The following UTP14A variants were observed in gnomAD, a reference collection of about 807,000 sequenced individuals.
UTP14A encodes UTP14A small subunit processome component.
UTP14A carries 5 observed loss-of-function variants against 57.2 expected under a neutral mutation model. That is an observed-to-expected ratio of 0.09 (90% CI 0.05 to 0.18). The LOEUF is 0.18. Among genes scored for constraint, UTP14A ranks in the 10% least tolerant of loss-of-function variants. The pLI, the probability that UTP14A is intolerant of heterozygous loss-of-function variation, is 1.00. For missense variants in UTP14A, 430 were observed against 562.1 expected (o/e 0.76, Z 2.38); for synonymous variants, 169 against 210.9 (o/e 0.80, Z 1.72).
chrX:129,921,668 C>A, intron 11 of UTP14A, 81 bp downstream of exon 11: 2 of 1,043,196 alleles, frequency 1.9e-6, no homozygotes, highest in Non-Finnish European at 2.6e-6. Flanking sequence ...TGTCCACCCA[C>A]ACACAAAACT....
chrX:129,917,727 T>C (rs1244976265), intron 6 of UTP14A, among the ~76,000 whole-genome samples: 2 of 111,281 alleles, frequency 1.8e-5, no homozygotes, highest in African/African-American at 3.3e-5. Context: ...AGATGGGGTT[T>C]CACCATGTTG....
intron 14 of UTP14A, 145 bp from the exon 15 acceptor site, chrX:129,929,191 C>T (rs1281855987): frequency 2.5e-5 from 18 of 727,065 alleles, no homozygotes; most frequent in African/African-American, 8.6e-5. Flanking sequence ...AGCAATGGGA[C>T]GCCTTGACCT....
chrX:129,913,472 C>T (rs1241345738), intron 6 of UTP14A: 2 of 327,017 alleles, frequency 6.1e-6, no homozygotes, highest in African/African-American at 5.4e-5. Flanking sequence ...ACCCGTGCCC[C>T]ATCTGATCAT....
chrX:129,906,371 C>A, intron 1 of UTP14A, 135 bp downstream of exon 1: 1 of 613,620 alleles, frequency 1.6e-6, no homozygotes, highest in East Asian at 3.4e-5. Context: ...TTCCTATTTT[C>A]CGCGATCCAG....
rs1464032711 is a variant in UTP14A, at chrX:129,910,988, A to T, written c.239-20A>T. ...TTGTCTCACTTCTTGGTCTGACCAGAAAGTTTGACCTTTCCACAGGATCAG... is the reference window on the plus strand; with the variant it reads ...TTGTCTCACTTCTTGGTCTGACCAGTAAGTTTGACCTTTCCACAGGATCAG... On this transcript the variant is annotated intron_variant, in intron 4 of 14. Transcript: ENST00000394422. The T allele has an allele frequency of 1.7e-6, 2 of 1,209,031 alleles. No homozygotes were observed. Among genetic ancestry groups the T allele is most frequent in the Non-Finnish European group, 2.2e-6 (2 of 894,344 alleles).
chrX:129,906,165 C>T lies in UTP14A; in HGVS notation c.-46C>T, dbSNP rs1286035423. The T allele has an allele frequency of 8.3e-7, 1 of 1,207,399 alleles. No individual in the cohort carries two copies. Among genetic ancestry groups the T allele is most frequent in the Non-Finnish European group, 1.1e-6 (1 of 891,551 alleles). On this transcript the variant is annotated 5_prime_UTR_variant, in exon 1 of 15. Transcript: ENST00000394422. The stretch of plus-strand genomic sequence containing the variant: ...TGCGGCCCGCACGGAAATTGCTTTC[C>T]TTCGGCTTCCGTTCTTGGTCCATGT...
intron 14 of UTP14A, among the ~76,000 whole-genome samples, chrX:129,928,411 G>C (rs1284785693): frequency 1.3e-5 from 1 of 74,403 alleles, no homozygotes; most frequent in Non-Finnish European, 2.6e-5. Context: ...AAAAAAAAAA[G>C]ATGAAACTAA....
intron 2 of UTP14A, among the ~76,000 whole-genome samples, 155 bp from the exon 3 acceptor site, chrX:129,907,905 A>G (rs1268184696): frequency 8.9e-6 from 1 of 111,973 alleles, no homozygotes; most frequent in South Asian, 3.7e-4. Context: ...GCAGTGAGCC[A>G]AGATAACACC....
rs1929865390 is a variant in UTP14A, at chrX:129,920,445, C to CT, written c.753-11dup. ...AGCTAAATTGCTAAACTCTTCCCTC[C>CT]TACCCCTACAGGTATCACAAAGTCG... On this transcript the variant is annotated splice_polypyrimidine_tract_variant and intron_variant, in intron 8 of 14. Coordinates refer to ENST00000394422, the MANE Select transcript of UTP14A (RefSeq NM_006649.4). 1 of 1,212,086 alleles carries CT rather than the reference C, an allele frequency of 8.3e-7. No individual in the cohort carries two copies.
intron 1 of UTP14A, 78 bp downstream of exon 1, chrX:129,906,314 C>A (rs909541993): frequency 1.0e-6 from 1 of 990,296 alleles, no homozygotes; most frequent in South Asian, 2.0e-5. Flanking sequence ...AATGGGAGCC[C>A]CCCCTTTAAC....
rs1929907539 is a variant in UTP14A at position 129,921,416 on chromosome X, C to A, written c.1177C>A (p.Pro393Thr). The A allele has an allele frequency of 1.7e-6, 2 of 1,211,656 alleles. No individual in the cohort carries two copies. Among genetic ancestry groups the A allele is most frequent in the African/African-American group, 3.5e-5 (2 of 57,752 alleles). The change falls in exon 11 of 15, where the codon CCT becomes ACT. Residue 393 changes from proline to threonine, a missense_variant. By Grantham distance (38) the Pro-to-Thr change is conservative (BLOSUM62 -1). This residue lies in a region of UTP14A where 83 missense variants were observed against 140.4 expected (regional missense o/e 0.59). Coordinates refer to ENST00000394422, the MANE Select transcript of UTP14A (RefSeq NM_006649.4). ...CAAAGAGGCTGCAACCCAGGAGGAC[C>A]CTGAGCAACTGCCAGAGCTTGAGGC... Reference protein sequence around the residue: ...DTKEAATQEDPEQLPELEAHG... With the variant: ...DTKEAATQEDTEQLPELEAHG...
chrX:129,912,633 C>T lies in UTP14A; in HGVS notation c.537+712C>T, dbSNP rs115681197. On this transcript the variant is annotated intron_variant, in intron 6 of 14. Coordinates refer to ENST00000394422, the MANE Select transcript of UTP14A (RefSeq NM_006649.4). ...TGCCTTAGTGAGGATATGTGAACAACAGAAGCCAAACTTTGCTTGTACAGG... is the reference window on the plus strand; with the variant it reads ...TGCCTTAGTGAGGATATGTGAACAATAGAAGCCAAACTTTGCTTGTACAGG... Among the ~76,000 whole-genome samples the T allele has an allele frequency of 7.5e-3, 831 of 111,192 alleles. 13 individuals carry two copies. The highest frequency in any genetic ancestry group is 0.026 in the African/African-American group (786 of 30,637).
At chrX:129,919,530 GAA>G in intron 8 of UTP14A, 41 bp downstream of exon 8, 1 of 1,175,503 alleles carries the variant, frequency 8.5e-7, no homozygotes, top group Non-Finnish European at 1.2e-6. Flanking sequence ...TTCCACAGAA[GAA>G]AGTCATGTGG....
intron 14 of UTP14A, 90 bp from the exon 15 acceptor site, chrX:129,929,246 A>C (rs1190379035): frequency 9.2e-7 from 1 of 1,089,154 alleles, no homozygotes; most frequent in Non-Finnish European, 1.2e-6. Flanking sequence ...CGTGGCCTGT[A>C]CCAAAACAGT....
Position 129,920,457 on chromosome X carries a change from G to A in UTP14A, c.753G>A (p.Lys251=). ...AAACTCTTCCCTCCTACCCCTACAG[G>A]TATCACAAAGTCGTGAAGAAAGGAA... ...ARREKKIKSK[K]YHKVVKKGKA... The change falls in exon 9 of 15, where the codon AAG becomes AAA. Residue 251 remains lysine, a splice_region_variant and synonymous_variant. Coordinates refer to ENST00000394422, the MANE Select transcript of UTP14A (RefSeq NM_006649.4). The A allele has an allele frequency of 8.3e-7, 1 of 1,211,864 alleles. No individual in the cohort carries two copies. The highest frequency in any genetic ancestry group is 3.0e-5 in the East Asian group (1 of 33,863).
chrX:129,910,980 C>A lies in UTP14A; in HGVS notation c.239-28C>A, dbSNP rs368776184. ...TTGAGATCTTGTCTCACTTCTTGGT[C>A]TGACCAGAAAGTTTGACCTTTCCAC... is the stretch of plus-strand genomic sequence containing the variant. On this transcript the variant is annotated intron_variant, in intron 4 of 14. Coordinates refer to ENST00000394422, the MANE Select transcript of UTP14A (RefSeq NM_006649.4). 37 of 1,205,249 alleles carry A rather than the reference C, an allele frequency of 3.1e-5. No homozygotes were observed. In the African/African-American group the frequency reaches 4.9e-4, roughly 16 times the overall value.
At chrX:129,928,878 T>C (rs1930213246) in intron 14 of UTP14A, among the ~76,000 whole-genome samples, 2 of 111,526 alleles carry the variant, frequency 1.8e-5, no homozygotes, top group Non-Finnish European at 3.8e-5. Context: ...GTCACAGTGT[T>C]ACATAGGAAA....
intron 6 of UTP14A, chrX:129,913,500 C>A (rs112377333): frequency 2.7e-5 from 8 of 294,070 alleles, no homozygotes; most frequent in African/African-American, 2.7e-5. Flanking sequence ...CCCATACTCA[C>A]CCAGAAGTAA....
rs1197744285 is a variant in UTP14A at position 129,924,764 on chromosome X, T to C, written c.1349-31T>C. 4 of 1,185,787 alleles carry C rather than the reference T, an allele frequency of 3.4e-6. No individual in the cohort carries two copies. In the South Asian group the frequency reaches 7.6e-5, roughly 23 times the overall value. ...GACCAGACAACGTACAAACCTCATTTTCTGACAGTTTTCATTCTTTTTTCC... is the reference window on the plus strand; with the variant it reads ...GACCAGACAACGTACAAACCTCATTCTCTGACAGTTTTCATTCTTTTTTCC... On this transcript the variant is annotated intron_variant, in intron 11 of 14. Coordinates refer to ENST00000394422, the MANE Select transcript of UTP14A (RefSeq NM_006649.4).
Sources: gnomAD v4.1 joint callset for allele counts (sites outside exome capture counted in the v4.1 genomes callset) on GRCh38, gnomAD v4.1.1 for gene constraint, gnomAD v4.1.1 regional missense constraint, MANE v1.5 for transcripts, NCBI Gene and HGNC (gene_info 2026-07-23, HGNC 2026-07-21) for gene names.